ZBTB7C: variants seen among roughly 807,000 people sequenced by gnomAD.
The protein encoded by ZBTB7C is zinc finger and BTB domain-containing protein 7C.
In ZBTB7C, 8 loss-of-function variants were observed where a neutral mutation model predicts 25.7. The observed-to-expected ratio is 0.31, with a 90% confidence interval of 0.18 to 0.56. The LOEUF is 0.56. ZBTB7C is among the 20% of genes least tolerant of loss of function. The probability of loss-of-function intolerance (pLI) is 0.91; values close to 1 mark genes in which losing one functional copy is unlikely to be tolerated. For missense variants in ZBTB7C, 824 were observed against 855.2 expected (o/e 0.96, Z 0.46); for synonymous variants, 394 against 369.0 (o/e 1.07, Z -0.78).
At chr18:48,098,393 A>T (rs1444565011) in intron 3 of ZBTB7C, among the ~76,000 whole-genome samples, 1 of 152,138 alleles carries the variant, frequency 6.6e-6, no homozygotes, top group Non-Finnish European at 1.5e-5. Context: ...ATGCTCTAGA[A>T]GGGATACTAA....
intron 2 of ZBTB7C, among the ~76,000 whole-genome samples, chr18:48,236,086 T>C (rs2145370659): frequency 6.6e-6 from 1 of 152,358 alleles, no homozygotes; most frequent in East Asian, 1.9e-4. Flanking sequence ...CAGCCTTCTG[T>C]GTCTCTTCGC....
intron 1 of ZBTB7C, among the ~76,000 whole-genome samples, chr18:48,383,256 T>TTTTATTTA (rs539351344): frequency 4.6e-5 from 7 of 152,092 alleles, no homozygotes; most frequent in African/African-American, 1.7e-4. Flanking sequence ...AATTACAATC[T>TTTTATTTA]TTTATTTATT....
chr18:48,297,910 T>C lies in ZBTB7C; in HGVS notation c.-79+40264A>G, dbSNP rs1439328745. 3.3e-5 allele frequency among the ~76,000 whole-genome samples: 5 copies of C among 152,194 alleles called. No individual in the cohort carries two copies. In the East Asian group the frequency reaches 9.6e-4, roughly 29 times the overall value. ...TGGGTATGGCCTGTGTCACACATTA[T>C]ATGCCTATGGTAGTTATGAAATGCA... On this transcript the variant is annotated intron_variant, in intron 2 of 4. Transcript: ENST00000590800.
chr18:48,366,966 C>T (rs1471747014), intron 1 of ZBTB7C, among the ~76,000 whole-genome samples: 1 of 151,764 alleles, frequency 6.6e-6, no homozygotes, highest in African/African-American at 2.4e-5. Context: ...ACTGCCTCTG[C>T]TAAAGGAACC....
chr18:48,196,815 C>A (rs2042328463), intron 2 of ZBTB7C, among the ~76,000 whole-genome samples: 1 of 152,192 alleles, frequency 6.6e-6, no homozygotes, highest in Non-Finnish European at 1.5e-5. Context: ...TTAGCAGGCA[C>A]CTGCAACTCA....
intron 2 of ZBTB7C, among the ~76,000 whole-genome samples, chr18:48,285,001 G>C (rs1388155444): frequency 2.6e-5 from 4 of 152,188 alleles, no homozygotes; most frequent in Non-Finnish European, 5.9e-5. Flanking sequence ...TGATGGTAGA[G>C]AATGTGGGCT....
At chr18:48,234,891 T>C (rs1428175294) in intron 2 of ZBTB7C, among the ~76,000 whole-genome samples, 1 of 152,216 alleles carries the variant, frequency 6.6e-6, no homozygotes, top group African/African-American at 2.4e-5. Flanking sequence ...AATTTAGAAG[T>C]GATACCTTCC....
At chr18:48,358,084 C>T (rs935587229) in intron 1 of ZBTB7C, among the ~76,000 whole-genome samples, 5 of 152,178 alleles carry the variant, frequency 3.3e-5, no homozygotes, top group Non-Finnish European at 7.3e-5. Flanking sequence ...GATGCAGTAG[C>T]TCAAACCTGT....
chr18:48,154,550 AAC>A (rs1320473827), intron 3 of ZBTB7C, among the ~76,000 whole-genome samples: 8 of 152,242 alleles, frequency 5.3e-5, no homozygotes, highest in South Asian at 2.1e-4. Context: ...CTCCCGACTT[AAC>A]AGTCCCTTTG....
rs768774985 is a variant in ZBTB7C, at chr18:48,138,559, C to T, written c.-17+47375G>A. 5.9e-5 allele frequency among the ~76,000 whole-genome samples: 9 copies of T among 152,072 alleles called. 1 individual carries two copies. Among genetic ancestry groups the T allele is most frequent in the Admixed American group, 3.3e-4 (5 of 15,274 alleles). On this transcript the variant is annotated intron_variant, in intron 3 of 4. Coordinates refer to ENST00000590800, the MANE Select transcript of ZBTB7C (RefSeq NM_001318841.2). ...GTGGAAAGAGGGCTGTGGACTGCTG[C>T]GTGAGGGGAGAGAGAGGCTGGGCAG...
At chr18:48,303,673 G>A (rs2045597819) in intron 2 of ZBTB7C, among the ~76,000 whole-genome samples, 1 of 152,192 alleles carries the variant, frequency 6.6e-6, no homozygotes, top group African/African-American at 2.4e-5. Context: ...GCAGAGGCCA[G>A]GTAGGCCAAG....
At chr18:48,328,847 C>A (rs546430088) in intron 2 of ZBTB7C, among the ~76,000 whole-genome samples, 3 of 152,322 alleles carry the variant, frequency 2.0e-5, no homozygotes, top group African/African-American at 7.2e-5. Flanking sequence ...TTCCAGGACT[C>A]ACTACATGGC....
intron 3 of ZBTB7C, among the ~76,000 whole-genome samples, chr18:48,172,886 A>C (rs1023402355): frequency 1.3e-5 from 2 of 151,924 alleles, no homozygotes; most frequent in East Asian, 3.9e-4. Context: ...GAGACAGAGG[A>C]GCACAGGCAC....
At chr18:48,333,178 T>C (rs2046379997) in intron 2 of ZBTB7C, among the ~76,000 whole-genome samples, 1 of 152,170 alleles carries the variant, frequency 6.6e-6, no homozygotes, top group Non-Finnish European at 1.5e-5. Flanking sequence ...AAATTAAAAT[T>C]GTTAAATACT....
intron 1 of ZBTB7C, among the ~76,000 whole-genome samples, chr18:48,344,745 A>G (rs1275073357): frequency 1.3e-5 from 2 of 152,396 alleles, no homozygotes; most frequent in East Asian, 3.9e-4. Context: ...CTCAAAAAGC[A>G]GACTACCAAT....
intron 2 of ZBTB7C, among the ~76,000 whole-genome samples, chr18:48,322,143 C>A (rs1013089718): frequency 6.6e-6 from 1 of 152,306 alleles, no homozygotes; most frequent in Middle Eastern, 3.4e-3. Context: ...TCCTTAGAGA[C>A]GATGGCCTTC....
intron 3 of ZBTB7C, among the ~76,000 whole-genome samples, chr18:48,041,967 C>A (rs1000040228): frequency 6.6e-6 from 1 of 152,178 alleles, no homozygotes; most frequent in African/African-American, 2.4e-5. Flanking sequence ...GACACCTTAT[C>A]ATTGTATATG....
chr18:48,306,015 C>T (rs953679452), intron 2 of ZBTB7C, among the ~76,000 whole-genome samples: 3 of 152,230 alleles, frequency 2.0e-5, no homozygotes, highest in Non-Finnish European at 4.4e-5. Flanking sequence ...CTCAAGGTGT[C>T]ACCATGATTG....
At position 48,296,352 on chromosome 18, in the gene ZBTB7C, G is replaced by A. The variant is rs530112350; in HGVS notation, c.-79+41822C>T. ...TGCTCTCAGAAAGGGCTCCTCACTC[G>A]GGAGCCTCTAGTGGTCCCCGCTAAC... is the stretch of plus-strand genomic sequence containing the variant. On this transcript the variant is annotated intron_variant, in intron 2 of 4. Transcript: ENST00000590800. 5.6e-3 allele frequency among the ~76,000 whole-genome samples: 858 copies of A among 152,240 alleles called. 2 individuals carry two copies. Among genetic ancestry groups the A allele is most frequent in the Non-Finnish European group, 9.5e-3 (646 of 68,014 alleles).
Sources: allele counts gnomAD v4.1 joint callset (sites outside exome capture counted in the v4.1 genomes callset), GRCh38; gene constraint gnomAD v4.1.1; transcripts MANE v1.5; gene names NCBI Gene and HGNC (gene_info 2026-07-23, HGNC 2026-07-21).